AHSA1: variants seen among roughly 807,000 people sequenced by gnomAD.
The protein encoded by AHSA1 is activator of HSP90 ATPase activity 1.
A neutral mutation model predicts 46.1 loss-of-function variants in AHSA1; 14 were observed. The ratio of observed to expected loss-of-function variants is 0.30; its 90% CI spans 0.20 to 0.47. AHSA1 has a LOEUF of 0.47. Among genes scored for constraint, AHSA1 ranks in the 20% least tolerant of loss-of-function variants. The pLI, the probability that AHSA1 is intolerant of heterozygous loss-of-function variation, is 0.99. For synonymous variants in AHSA1, 147 were observed against 145.8 expected (o/e 1.01, Z -0.06); for missense variants, 333 against 415.9 (o/e 0.80, Z 1.73).
intron 2 of AHSA1, among the ~76,000 whole-genome samples, chr14:77,461,661 T>C (rs1038181200): frequency 6.6e-6 from 1 of 152,222 alleles, no homozygotes; most frequent in Non-Finnish European, 1.5e-5. Flanking sequence ...ACACACGCTG[T>C]AAACTGAGGT....
chr14:77,461,213 A>G (rs1272364008), intron 2 of AHSA1, among the ~76,000 whole-genome samples: 1 of 151,662 alleles, frequency 6.6e-6, no homozygotes, highest in East Asian at 2.0e-4. Context: ...TTACCATGAA[A>G]AAGACCTGAA....
chr14:77,459,635 A>G lies in AHSA1; in HGVS notation c.100A>G (p.Asn34Asp). The change falls in exon 2 of 9, where the codon AAT becomes GAT. Residue 34 changes from asparagine (N) to aspartate (D), a missense_variant. Asn to Asp is a conservative substitution (Grantham distance 23). Transcript: ENST00000216479. ...TTGCAGGACGGAGAGAGATGCTTCA[A>G]ATTGGTCCACGGATAAGCTGAAAAC... ...NWHWTERDAS[N>D]WSTDKLKTLF... is the part of the protein sequence containing the mutation. 1.2e-6 allele frequency: 2 copies of G among 1,614,206 alleles called. No homozygotes were observed. The highest frequency in any genetic ancestry group is 1.7e-6 in the Non-Finnish European group (2 of 1,180,042).
In AHSA1 at chr14:77,462,207, A is replaced by G. The variant is rs2079028631; in HGVS notation, c.319A>G (p.Asn107Asp). 6.2e-7 allele frequency: 1 copy of G among 1,613,744 alleles called. No homozygotes were observed. The highest frequency in any genetic ancestry group is 1.3e-5 in the African/African-American group (1 of 74,902). The change falls in exon 3 of 9, where the codon AAT becomes GAT. Residue 107 changes from asparagine to aspartate, a missense_variant. Asn to Asp is a conservative substitution (Grantham distance 23). Transcript: ENST00000216479. Reference protein sequence around the residue: ...VQYKGHVEIPNLSDENSVDEV... With the variant: ...VQYKGHVEIPDLSDENSVDEV... ...ATACAAAGGACATGTGGAGATCCCC[A>G]ATTTGTCTGATGAAAACAGCGTGGA...
intron 6 of AHSA1, among the ~76,000 whole-genome samples, chr14:77,466,930 T>A (rs1363130352): frequency 6.6e-6 from 1 of 152,256 alleles, no homozygotes; most frequent in South Asian, 2.1e-4. Context: ...GCTAAAGTTT[T>A]CAGAGTTTTA....
At chr14:77,467,737 A>G (rs1310005659) in intron 6 of AHSA1, among the ~76,000 whole-genome samples, 1 of 152,222 alleles carries the variant, frequency 6.6e-6, no homozygotes, top group East Asian at 1.9e-4. Flanking sequence ...GAATAGATCT[A>G]TTTTGGGACA....
chr14:77,468,742 T>TAC (rs1347661752), intron 8 of AHSA1: 624 of 452,164 alleles, frequency 1.4e-3, no homozygotes, highest in South Asian at 2.9e-3. Flanking sequence ...TTTTTTTTTT[T>TAC]TTTACTTTTT....
chr14:77,459,533 C>A, intron 1 of AHSA1, 83 bp from the exon 2 acceptor site: 1 of 1,403,346 alleles, frequency 7.1e-7, no homozygotes, highest in Non-Finnish European at 1.0e-6. Flanking sequence ...TTTGTCAGGC[C>A]TCCTTTAACC....
At chr14:77,459,488 G>C in intron 1 of AHSA1, 128 bp from the exon 2 acceptor site, 1 of 843,784 alleles carries the variant, frequency 1.2e-6, no homozygotes, top group East Asian at 2.5e-5. Context: ...ACATACTGGA[G>C]TGCGACTGGG....
At position 77,462,292 on chromosome 14, in the gene AHSA1, C is replaced by T. The variant is rs1454232970; in HGVS notation, c.354+50C>T. On this transcript the variant is annotated intron_variant, in intron 3 of 8. Transcript: ENST00000216479. ...CGAGTCCTCTATATCCTCTTATTCT[C>T]AGATGAGAAAAGTGACCTGTCATTC... is the stretch of plus-strand genomic sequence containing the variant. 2.6e-6 allele frequency: 4 copies of T among 1,533,682 alleles called. No individual in the cohort carries two copies. In the African/African-American group the frequency reaches 5.5e-5, roughly 21 times the overall value.
chr14:77,469,088 A>G lies in AHSA1; in HGVS notation c.856A>G (p.Thr286Ala), dbSNP rs775092976. Residue 286 changes from threonine (T) to alanine (A), a missense_variant, in exon 9 of 9, where the codon ACC (threonine) becomes GCC (alanine). Physicochemically the swap from Thr to Ala is moderately conservative, Grantham distance 58. Transcript: ENST00000216479. ...FKSWPEGHFA[T>A]ITLTFIDKNG... ...TCTGCCTTTCCCAGGACACTTTGCC[A>G]CCATCACCTTGACCTTCATCGACAA... 56 of 1,613,920 alleles carry G rather than the reference A, an allele frequency of 3.5e-5. No homozygotes were observed. Among genetic ancestry groups the G allele is most frequent in the Non-Finnish European group, 4.6e-5 (54 of 1,179,984 alleles).
chr14:77,462,611 A>G, intron 3 of AHSA1, 31 bp from the exon 4 acceptor site: 1 of 1,605,020 alleles, frequency 6.2e-7, no homozygotes, highest in Middle Eastern at 1.7e-4. Context: ...CCCTCAAGTT[A>G]TTTACCACCT....
At chr14:77,460,884 G>A (rs1566746135) in intron 2 of AHSA1, among the ~76,000 whole-genome samples, 1 of 152,092 alleles carries the variant, frequency 6.6e-6, no homozygotes. Flanking sequence ...TATAGGCCGG[G>A]CGTGGTGGCT....
chr14:77,468,988 G>A (rs1377395222), intron 8 of AHSA1, 89 bp from the exon 9 acceptor site: 1 of 1,482,190 alleles, frequency 6.7e-7, no homozygotes, highest in South Asian at 1.2e-5. Flanking sequence ...GATTACAGGT[G>A]TGAGCCACCA....
intron 8 of AHSA1, 109 bp downstream of exon 8, chr14:77,468,617 C>A: frequency 1.0e-6 from 1 of 997,210 alleles, no homozygotes; most frequent in Non-Finnish European, 1.5e-6. Context: ...GGCTAGAGTG[C>A]AGTGGCATAA....
At chr14:77,460,354 A>G (rs1221011552) in intron 2 of AHSA1, 1 of 162,682 alleles carries the variant, frequency 6.1e-6, no homozygotes, top group Non-Finnish European at 1.3e-5. Flanking sequence ...GAATGTAAAA[A>G]GGCACTAAAG....
intron 4 of AHSA1, among the ~76,000 whole-genome samples, chr14:77,464,007 C>T (rs943727168): frequency 6.6e-6 from 1 of 152,256 alleles, no homozygotes; most frequent in Non-Finnish European, 1.5e-5. Flanking sequence ...ACGGCGTTCA[C>T]GCCATCCTTC....
rs2079000616 is a variant in AHSA1, at chr14:77,458,557, G to GCTTATTACACGTGGCC, written c.80+288_80+289insCTTATTACACGTGGCC. Among the ~76,000 whole-genome samples the GCTTATTACACGTGGCC allele has an allele frequency of 2.0e-5, 3 of 152,378 alleles. No individual in the cohort carries two copies. In the South Asian group the frequency reaches 6.2e-4, roughly 32 times the overall value. On this transcript the variant is annotated intron_variant, in intron 1 of 8. Coordinates refer to ENST00000216479, the MANE Select transcript of AHSA1 (RefSeq NM_012111.3). ...GGCTGCTGCATCCAGCCCGAGCAGG[G>GCTTATTACACGTGGCC]AGGTGCTTATTACACGTGGCCAGAG...
At chr14:77,463,739 TTAGAA>T (rs1338246875) in intron 4 of AHSA1, among the ~76,000 whole-genome samples, 1 of 152,238 alleles carries the variant, frequency 6.6e-6, no homozygotes, top group Non-Finnish European at 1.5e-5. Context: ...ATTTAGATGC[TTAGAA>T]TAGAAGTCAG....
At chr14:77,462,502 T>C (rs1292568158) in intron 3 of AHSA1, 140 bp from the exon 4 acceptor site, 1 of 838,270 alleles carries the variant, frequency 1.2e-6, no homozygotes, top group Admixed American at 1.9e-5. Context: ...GAAGGAACAC[T>C]AATGGGGATT....
Sources: gnomAD v4.1 joint callset for allele counts (sites outside exome capture counted in the v4.1 genomes callset) on GRCh38, gnomAD v4.1.1 for gene constraint, MANE v1.5 for transcripts, NCBI Gene and HGNC (gene_info 2026-07-23, HGNC 2026-07-21) for gene names.